PRICKLE2: variants seen among roughly 807,000 people sequenced by gnomAD.
PRICKLE2 encodes prickle-like protein 2.
PRICKLE2 carries 21 observed loss-of-function variants against 81.4 expected under a neutral mutation model. The ratio of observed to expected loss-of-function variants is 0.26; its 90% CI spans 0.18 to 0.37. The LOEUF is 0.37. Among genes scored for constraint, PRICKLE2 ranks in the 10% least tolerant of loss-of-function variants. The pLI is 1.00. For missense variants in PRICKLE2, 940 were observed against 1,109.0 expected, an observed-to-expected ratio of 0.85 and a Z score of 2.16; for synonymous variants, 456 against 421.5, an observed-to-expected ratio of 1.08 and a Z score of -1.00.
intron 2 of PRICKLE2, among the ~76,000 whole-genome samples, chr3:64,197,813 T>A (rs929061057): frequency 6.6e-6 from 1 of 152,062 alleles, no homozygotes; most frequent in African/African-American, 2.4e-5. Context: ...CCAGTCTACC[T>A]GTGTGACAAA....
chr3:64,168,639 T>C (rs2077877359), intron 2 of PRICKLE2, among the ~76,000 whole-genome samples: 2 of 152,168 alleles, frequency 1.3e-5, no homozygotes, highest in Admixed American at 1.3e-4. Context: ...TATCACATAG[T>C]TACAAAGTGA....
At chr3:64,122,609 C>A (rs894582845) in intron 7 of PRICKLE2, among the ~76,000 whole-genome samples, 4 of 152,178 alleles carry the variant, frequency 2.6e-5, no homozygotes, top group African/African-American at 9.6e-5. Context: ...AGAATTCAGA[C>A]TCTGAAAAAC....
rs575063311 is a variant in PRICKLE2 at position 64,250,721 on chromosome 3, A to G, written c.129-51754T>C. ...AAGGCCTGATTAATCTATCCACTGT[A>G]TCACTGTAGTGCATGGAGTCCGACA... On this transcript the variant is annotated intron_variant, in intron 2 of 8. Transcript: ENST00000295902. 2.0e-5 allele frequency among the ~76,000 whole-genome samples: 3 copies of G among 152,296 alleles called. No homozygotes were observed. The South Asian group carries it at 6.2e-4, about 32-fold the overall frequency.
At chr3:64,252,105 T>C (rs1202024665) in intron 2 of PRICKLE2, among the ~76,000 whole-genome samples, 1 of 152,118 alleles carries the variant, frequency 6.6e-6, no homozygotes, top group Admixed American at 6.5e-5. Context: ...CCCAACATGG[T>C]CTAAAAAAAG....
At chr3:64,182,865 A>T (rs111591787) in intron 2 of PRICKLE2, among the ~76,000 whole-genome samples, 5 of 152,186 alleles carry the variant, frequency 3.3e-5, no homozygotes, top group Non-Finnish European at 7.3e-5. Flanking sequence ...AGGAAAATGA[A>T]GAAAACTGGG....
chr3:64,094,278 GAT>G lies in PRICKLE2; in HGVS notation c.*4771_*4772del, dbSNP rs2076539502. On this transcript the variant is annotated 3_prime_UTR_variant, in exon 8 of 8. Coordinates refer to ENST00000638394, the MANE Select transcript of PRICKLE2 (RefSeq NM_198859.4). ...ACAGAATCATGACACTTTATGGAAA[GAT>G]ATGAAAATCAACTAGGTAGGTTTAA... The G allele has an allele frequency of 6.6e-6, 1 of 152,214 alleles. No individual in the cohort carries two copies. The highest frequency in any genetic ancestry group is 2.4e-5 in the African/African-American group (1 of 41,444). 9.4% of individuals were successfully genotyped at this position (152,214 alleles called of 1,614,324 possible). A position where few individuals can be genotyped will look rare whatever the true frequency, so the allele number is the denominator to read the frequency against.
At chr3:64,228,536 G>T (rs1300128909), upstream of PRICKLE2, among the ~76,000 whole-genome samples, 1 of 148,172 alleles carries the variant, frequency 6.7e-6, no homozygotes. Context: ...CTAATGAGGT[G>T]TTTTTTTTTT....
chr3:64,242,289 T>G lies in PRICKLE2; in HGVS notation c.129-43322A>C, dbSNP rs1044512071. Among the ~76,000 whole-genome samples the G allele has an allele frequency of 4.2e-4, 64 of 152,184 alleles. 1 individual carries two copies. The highest frequency in any genetic ancestry group is 3.5e-4 in the Non-Finnish European group (24 of 68,034). On this transcript the variant is annotated intron_variant, in intron 2 of 8. Transcript: ENST00000295902. ...CTTCTTAGCAGTCTAGCTAGAACCTTGCATTTTAACTTACATTTCATGAAC... is the reference window on the plus strand; with the variant it reads ...CTTCTTAGCAGTCTAGCTAGAACCTGGCATTTTAACTTACATTTCATGAAC...
At chr3:64,197,029 G>A (rs1192635182) in intron 2 of PRICKLE2, among the ~76,000 whole-genome samples, 3 of 152,154 alleles carry the variant, frequency 2.0e-5, no homozygotes, top group Non-Finnish European at 4.4e-5. Flanking sequence ...CTGCCAATTT[G>A]CAACTTCAAA....
In PRICKLE2 at chr3:64,143,330, T is replaced by C. The variant is rs571816314; in HGVS notation, c.1660+3500A>G. Reference sequence around the variant, plus strand: ...ACAGTGCTGATCTCAGGAGTTTTTTTCCCTCAGTTTTATCAGGCATGGCCA... The same window carrying C: ...ACAGTGCTGATCTCAGGAGTTTTTTCCCCTCAGTTTTATCAGGCATGGCCA... On this transcript the variant is annotated intron_variant, in intron 7 of 7. Transcript: ENST00000638394. 7.2e-4 allele frequency among the ~76,000 whole-genome samples: 109 copies of C among 152,280 alleles called. 2 individuals are homozygous for C. The South Asian group carries it at 0.022, about 30-fold the overall frequency.
At chr3:64,106,578 G>A (rs1017846245) in intron 7 of PRICKLE2, among the ~76,000 whole-genome samples, 12 of 152,156 alleles carry the variant, frequency 7.9e-5, no homozygotes, top group Admixed American at 3.3e-4. Context: ...CCTCCAAACC[G>A]TGGCTGGGAT....
chr3:64,101,703 G>C (rs2076666010), intron 7 of PRICKLE2: 2 of 152,228 alleles, frequency 1.3e-5, no homozygotes, highest in South Asian at 4.1e-4. Context: ...GCTGTCAGTA[G>C]AGTAAGTTCA....
intron 2 of PRICKLE2, among the ~76,000 whole-genome samples, chr3:64,242,873 A>T (rs994188846): frequency 4.6e-5 from 7 of 152,258 alleles, no homozygotes; most frequent in African/African-American, 1.7e-4. Flanking sequence ...TTACAAAAGG[A>T]AAGAGAAGCA....
chr3:64,191,062 C>T (rs1281180801), intron 2 of PRICKLE2, among the ~76,000 whole-genome samples: 5 of 152,126 alleles, frequency 3.3e-5, no homozygotes, highest in South Asian at 2.1e-4. Flanking sequence ...TCCACTGGGA[C>T]GAACTTGTAT....
rs2076605107 is a variant in PRICKLE2 at position 64,098,743 on chromosome 3, G to A, written c.*308C>T. 1.3e-5 allele frequency: 5 copies of A among 391,244 alleles called. No homozygotes were observed. In the South Asian group the frequency reaches 1.4e-4, roughly 11 times the overall value. 24.2% of individuals were successfully genotyped at this position (391,244 alleles called of 1,614,324 possible). A position where few individuals can be genotyped will look rare whatever the true frequency, so the allele number is the denominator to read the frequency against. Reference sequence around the variant, plus strand: ...AGAGAACCAGAGAGGATAAAAGCGAGCAGGAAACAATTTACCATCTTGAGA... The same window carrying A: ...AGAGAACCAGAGAGGATAAAAGCGAACAGGAAACAATTTACCATCTTGAGA... On this transcript the variant is annotated 3_prime_UTR_variant, in exon 8 of 8. Transcript: ENST00000638394.
chr3:64,182,500 GAA>G (rs36109758), intron 2 of PRICKLE2: 190 of 141,604 alleles, frequency 1.3e-3, no homozygotes, highest in East Asian at 3.1e-3. Context: ...GTCTCAGAAA[GAA>G]AAAAAAAAAA....
chr3:64,175,848 T>C (rs138807103), intron 2 of PRICKLE2, among the ~76,000 whole-genome samples: 4,151 of 152,332 alleles, frequency 0.027, 86 homozygotes, highest in Non-Finnish European at 0.044. Flanking sequence ...AGTTTTATTA[T>C]TATTAAAAAT....
In PRICKLE2 at chr3:64,157,491, T is replaced by G. The variant is rs564386758; in HGVS notation, c.397-126A>C. The G allele has an allele frequency of 6.8e-5, 67 of 979,724 alleles. No homozygotes were observed. In the African/African-American group the frequency reaches 9.3e-4, roughly 14 times the overall value. 60.7% of individuals were successfully genotyped at this position (979,724 alleles called of 1,614,324 possible). On this transcript the variant is annotated intron_variant, in intron 4 of 7. Transcript: ENST00000638394. ...CTTATGTTCAAAGCAGTCACTATGC[T>G]TCCTGCTTTACACAGGCAGCAGGGC...
intron 7 of PRICKLE2, among the ~76,000 whole-genome samples, chr3:64,120,756 T>C (rs2077011781): frequency 6.6e-6 from 1 of 152,110 alleles, no homozygotes; most frequent in South Asian, 2.1e-4. Flanking sequence ...GCATATATCA[T>C]AGAGACCAAC....
Sources: gnomAD v4.1 joint callset for allele counts (sites outside exome capture counted in the v4.1 genomes callset) on GRCh38, gnomAD v4.1.1 for gene constraint, MANE v1.5 for transcripts, NCBI Gene and HGNC (gene_info 2026-07-23, HGNC 2026-07-21) for gene names.